Variants in DNM3 observed in about 807,000 individuals in gnomAD.
DNM3 encodes dynamin 3.
A neutral mutation model predicts 101.6 loss-of-function variants in DNM3; 47 were observed. The observed-to-expected ratio is 0.46, with a 90% CI of 0.37 to 0.59. The LOEUF is 0.59. Among genes scored for constraint, DNM3 ranks in the 20% least tolerant of loss-of-function variants. The pLI is 0.00. For synonymous variants in DNM3, 385 were observed against 387.9 expected (o/e 0.99, Z 0.09); for missense variants, 849 against 1,085.7 (o/e 0.78, Z 3.06).
chr1:172,331,825 A>C (rs181469074), intron 17 of DNM3, among the ~76,000 whole-genome samples: 4 of 152,304 alleles, frequency 2.6e-5, no homozygotes. Flanking sequence ...AGTTCTTACA[A>C]ATTAATAAGG....
chr1:172,262,311 G>A (rs907859969), intron 15 of DNM3, among the ~76,000 whole-genome samples: 1 of 152,178 alleles, frequency 6.6e-6, no homozygotes, highest in African/African-American at 2.4e-5. Flanking sequence ...TGGGATCACT[G>A]TCTGTGGCTC....
intron 14 of DNM3, among the ~76,000 whole-genome samples, chr1:172,178,733 A>G (rs982261887): frequency 1.3e-5 from 2 of 151,950 alleles, no homozygotes; most frequent in Non-Finnish European, 2.9e-5. Flanking sequence ...AGAGATATCA[A>G]TGAAAGGAAG....
intron 13 of DNM3, among the ~76,000 whole-genome samples, chr1:172,121,544 C>T (rs114092706): frequency 0.01 from 1,523 of 152,274 alleles, 24 homozygotes; most frequent in African/African-American, 0.033. Flanking sequence ...GGTGCTTTTG[C>T]AGGGCAGAAT....
At chr1:172,252,636 C>T (rs889907213) in intron 14 of DNM3, among the ~76,000 whole-genome samples, 10 of 152,106 alleles carry the variant, frequency 6.6e-5, no homozygotes, top group Non-Finnish European at 1.0e-4. Context: ...ACAAGGGCAG[C>T]GCTTGTTATA....
chr1:171,907,642 G>A (rs2038944309), intron 1 of DNM3, among the ~76,000 whole-genome samples: 1 of 152,104 alleles, frequency 6.6e-6, no homozygotes, highest in Non-Finnish European at 1.5e-5. Context: ...CCTAATATCT[G>A]ACTTCTTCCC....
intron 14 of DNM3, among the ~76,000 whole-genome samples, chr1:172,186,965 C>T (rs543981063): frequency 1.3e-5 from 2 of 152,192 alleles, no homozygotes; most frequent in South Asian, 2.1e-4. Context: ...GTTGTCCTCT[C>T]TGAGAAGCTA....
chr1:172,413,854 T>C (rs891250071), downstream of DNM3, among the ~76,000 whole-genome samples: 1 of 152,240 alleles, frequency 6.6e-6, no homozygotes, highest in Non-Finnish European at 1.5e-5. Context: ...GAGTGGAACA[T>C]CTGTACCTTC....
At chr1:172,393,104 C>T (rs1573719739) in intron 20 of DNM3, 1 of 152,282 alleles carries the variant, frequency 6.6e-6, no homozygotes, top group East Asian at 1.9e-4. Flanking sequence ...TCATTGTAAT[C>T]CCACATTTTC....
At chr1:172,073,550 G>A (rs2052392218) in intron 11 of DNM3, among the ~76,000 whole-genome samples, 2 of 152,080 alleles carry the variant, frequency 1.3e-5, no homozygotes, top group South Asian at 4.1e-4. Flanking sequence ...GTTGGGTAGG[G>A]GATAAGGATC....
intron 6 of DNM3, among the ~76,000 whole-genome samples, chr1:172,034,353 A>AG (rs1333112538): frequency 2.0e-5 from 3 of 151,814 alleles, no homozygotes; most frequent in Non-Finnish European, 2.9e-5. Flanking sequence ...CTCTACCAAT[A>AG]TATTTTGCAC....
intron 1 of DNM3, chr1:171,864,676 G>A (rs960883887): frequency 3.3e-5 from 5 of 152,130 alleles, no homozygotes; most frequent in African/African-American, 9.7e-5. Context: ...TTGGAAGGAG[G>A]CACAACACTT....
At chr1:172,083,097 C>T (rs2053274108) in intron 12 of DNM3, among the ~76,000 whole-genome samples, 1 of 152,186 alleles carries the variant, frequency 6.6e-6, no homozygotes, top group African/African-American at 2.4e-5. Context: ...CACAGACTTG[C>T]CCTCCTCTCT....
At chr1:172,200,006 G>C (rs1258676180) in intron 14 of DNM3, among the ~76,000 whole-genome samples, 2 of 152,028 alleles carry the variant, frequency 1.3e-5, no homozygotes, top group Non-Finnish European at 2.9e-5. Context: ...AGTGACACTG[G>C]TCCATGTGTT....
At chr1:171,921,727 T>C in intron 1 of DNM3, 21 bp from the exon 2 acceptor site, 1 of 1,560,936 alleles carries the variant, frequency 6.4e-7, no homozygotes. Flanking sequence ...TGCCTTAATC[T>C]GTATTTCTTA....
chr1:172,402,354 G>T (rs1054148288), intron 20 of DNM3, among the ~76,000 whole-genome samples: 2 of 152,112 alleles, frequency 1.3e-5, no homozygotes, highest in African/African-American at 4.8e-5. Context: ...AACCTGGGAT[G>T]TATAACTCTC....
chr1:172,383,825 G>A (rs995481567), intron 18 of DNM3, among the ~76,000 whole-genome samples: 3 of 152,136 alleles, frequency 2.0e-5, no homozygotes, highest in Non-Finnish European at 2.9e-5. Flanking sequence ...TGTTTATCTA[G>A]CCTAGAGAGT....
At chr1:172,159,348 T>A (rs2058461272) in intron 14 of DNM3, among the ~76,000 whole-genome samples, 1 of 152,086 alleles carries the variant, frequency 6.6e-6, no homozygotes, top group South Asian at 2.1e-4. Flanking sequence ...AGTTTGTGTT[T>A]CTGCTACAGC....
rs188282643 is a variant in DNM3, at chr1:172,030,226, A to G, written c.590-2176A>G. Among the ~76,000 whole-genome samples the G allele has an allele frequency of 2.8e-3, 430 of 152,330 alleles. 5 individuals are homozygous for G. The highest frequency in any genetic ancestry group is 0.026 in the Admixed American group (394 of 15,298). On this transcript the variant is annotated intron_variant, in intron 4 of 20. Transcript: ENST00000627582. ...AAACAGATATATAGACCAATGAAAC[A>G]GAACAGAGGCCTCAGAAATAACGCC... is the stretch of plus-strand genomic sequence containing the variant.
intron 14 of DNM3, among the ~76,000 whole-genome samples, chr1:172,228,112 A>G (rs1460967998): frequency 2.0e-5 from 3 of 151,988 alleles, no homozygotes; most frequent in Admixed American, 6.6e-5. Flanking sequence ...TCAATTTATC[A>G]TCTGTTTTTC....
Sources: allele counts gnomAD v4.1 joint callset (sites outside exome capture counted in the v4.1 genomes callset), GRCh38; gene constraint gnomAD v4.1.1; transcripts MANE v1.5; gene names NCBI Gene and HGNC (gene_info 2026-07-23, HGNC 2026-07-21).